AFF4: variants seen among roughly 807,000 people sequenced by gnomAD.
AFF4 encodes AF4/FMR2 family member 4.
In AFF4, 13 loss-of-function variants were observed where a neutral mutation model predicts 124.8. The ratio of observed to expected loss-of-function variants is 0.10; its 90% CI spans 0.07 to 0.17. The LOEUF (loss-of-function observed/expected upper bound fraction) is 0.17, where lower values mean the gene tolerates loss of function less well. Ranked by LOEUF, AFF4 falls within the 10% of genes least tolerant of loss-of-function variation. The probability of loss-of-function intolerance (pLI) is 1.00; values close to 1 mark genes in which losing one functional copy is unlikely to be tolerated. For synonymous variants in AFF4, 477 were observed against 496.1 expected (o/e 0.96, Z 0.51); for missense variants, 1,092 against 1,403.8 (o/e 0.78, Z 3.55).
intron 5 of AFF4, among the ~76,000 whole-genome samples, chr5:132,921,708 C>G (rs1052424445): frequency 6.6e-6 from 1 of 151,938 alleles, no homozygotes; most frequent in African/African-American, 2.4e-5. Flanking sequence ...TCAGGTGATC[C>G]ACCCACCTTG....
intron 19 of AFF4, 110 bp from the exon 20 acceptor site, chr5:132,883,670 A>C: frequency 1.1e-6 from 1 of 951,342 alleles, no homozygotes; most frequent in Non-Finnish European, 1.6e-6. Context: ...AGATTCTCTT[A>C]AACTAGATGG....
intron 1 of AFF4, among the ~76,000 whole-genome samples, chr5:132,961,532 A>G (rs970982130): frequency 2.6e-5 from 4 of 152,294 alleles, no homozygotes; most frequent in Middle Eastern, 3.4e-3. Flanking sequence ...GCTGCAGAAT[A>G]TATTGCTACA....
At chr5:132,933,828 G>A (rs1235307692) in intron 3 of AFF4, among the ~76,000 whole-genome samples, 2 of 152,082 alleles carry the variant, frequency 1.3e-5, no homozygotes, top group African/African-American at 4.8e-5. Context: ...CAACAACAAA[G>A]GTATATTGTT....
At position 132,927,163 on chromosome 5, in the gene AFF4, T is replaced by C; in HGVS notation, c.1008A>G (p.Thr336=). ...SWPPPLTAIH[T]PCKTEPSKFP... is the part of the protein sequence containing the mutation. ...ATTTGGAAGGTTCTGTTTTGCATGGTGTATGAATAGCCGTTAGAGGGGGAG... is the reference window on the plus strand; with the variant it reads ...ATTTGGAAGGTTCTGTTTTGCATGGCGTATGAATAGCCGTTAGAGGGGGAG... Residue 336 remains threonine, a synonymous_variant, in exon 5 of 21, where the codon ACA becomes ACG. Coordinates refer to ENST00000265343, the MANE Select transcript of AFF4 (RefSeq NM_014423.4). The C allele has an allele frequency of 1.2e-6, 2 of 1,612,426 alleles. No homozygotes were observed. The highest frequency in any genetic ancestry group is 2.2e-5 in the South Asian group (2 of 90,564).
intron 8 of AFF4, 52 bp downstream of exon 8, chr5:132,899,535 T>A (rs376855776): frequency 7.1e-7 from 1 of 1,416,996 alleles, no homozygotes; most frequent in African/African-American, 1.4e-5. Context: ...TTTTATAAAA[T>A]ACAATGAAAA....
intron 4 of AFF4, among the ~76,000 whole-genome samples, chr5:132,930,989 C>T (rs560686307): frequency 5.4e-4 from 81 of 150,030 alleles, no homozygotes; most frequent in African/African-American, 2.0e-3. Context: ...TGCCTATAAT[C>T]CCAGCTACTC....
chr5:132,897,012 A>T lies in AFF4; in HGVS notation c.1618T>A (p.Ser540Thr). The T allele has an allele frequency of 6.2e-7, 1 of 1,613,980 alleles. No individual in the cohort carries two copies. The highest frequency in any genetic ancestry group is 8.5e-7 in the Non-Finnish European group (1 of 1,179,996). ...TTCTGCCTCCCACGCCCACTTTCTG[A>T]TCCCTTTTGGATGGTTTTGGAGTCT... The part of the protein sequence containing the change: ...GRDSKTIQKG[S>T]ESGRGRQKSP... The change falls in exon 11 of 21, where the codon TCA (serine) becomes ACA (threonine). Residue 540 changes from serine to threonine, a missense_variant. By Grantham distance (58) the Ser-to-Thr change is moderately conservative. Around this residue, in one of 11 missense-constraint regions of AFF4, gnomAD observed 174 missense variants for 205.9 expected, o/e 0.84. Coordinates refer to ENST00000265343, the MANE Select transcript of AFF4 (RefSeq NM_014423.4).
intron 5 of AFF4, chr5:132,926,631 G>A (rs1468067130): frequency 6.7e-6 from 1 of 150,156 alleles, no homozygotes; most frequent in Non-Finnish European, 1.5e-5. Context: ...TGACCTCCCA[G>A]GCTCAAGTGA....
chr5:132,883,709 A>C (rs931550603), intron 19 of AFF4, 149 bp from the exon 20 acceptor site: 1 of 648,134 alleles, frequency 1.5e-6, no homozygotes, highest in Non-Finnish European at 2.6e-6. Flanking sequence ...TTTCTTCTAA[A>C]TAAGTACTAT....
intron 5 of AFF4, among the ~76,000 whole-genome samples, chr5:132,925,323 AAAAAT>A (rs1482893433): frequency 6.6e-6 from 1 of 152,046 alleles, no homozygotes; most frequent in Non-Finnish European, 1.5e-5. Flanking sequence ...GGTAAACATA[AAAAAT>A]AAAACTAAAA....
In AFF4 at chr5:132,887,981, G is replaced by C. The variant is rs754592359; in HGVS notation, c.2798C>G (p.Ser933Cys). Residue 933 changes from serine (S) to cysteine (C), a missense_variant and splice_region_variant, in exon 16 of 21, where the codon TCT (serine) becomes TGT (cysteine). Coordinates refer to ENST00000265343, the MANE Select transcript of AFF4 (RefSeq NM_014423.4). ...GTATACAGCTTTCTCAAACCTATCA[G>C]ACTGAAGAAAGGAGAATGCAAGTAA... is the stretch of plus-strand genomic sequence containing the variant. ...KKLKHNADAL[S>C]DRFEKAVYYL... 1 of 1,613,194 alleles carries C rather than the reference G, an allele frequency of 6.2e-7. No individual in the cohort carries two copies.
rs1760418609 is a variant in AFF4, at chr5:132,896,919, C to G, written c.1711G>C (p.Glu571Gln). Residue 571 changes from glutamate (E) to glutamine (Q), a missense_variant, in exon 11 of 21, where the codon GAG becomes CAG. By Grantham distance (29) the Glu-to-Gln change is conservative. Transcript: ENST00000265343. The part of the protein sequence containing the change: ...TVGKKQPKKA[E>Q]KAAAEEPRGG... ...CGAGGCTCTTCAGCAGCTGCCTTCTCAGCCTTTTTGGGTTGTTTTTTGCCT... is the reference window on the plus strand; with the variant it reads ...CGAGGCTCTTCAGCAGCTGCCTTCTGAGCCTTTTTGGGTTGTTTTTTGCCT... 2.5e-6 allele frequency: 4 copies of G among 1,614,156 alleles called. No individual in the cohort carries two copies. The highest frequency in any genetic ancestry group is 3.4e-6 in the Non-Finnish European group (4 of 1,180,024).
At chr5:132,911,929 G>C (rs1038882268) in intron 5 of AFF4, among the ~76,000 whole-genome samples, 3 of 151,562 alleles carry the variant, frequency 2.0e-5, no homozygotes, top group Admixed American at 6.6e-5. Context: ...CTGGCAGATA[G>C]TTGCAAGGGG....
rs193166068 is a variant in AFF4 at position 132,944,163 on chromosome 5, C to T, written c.-4-6970G>A. ...CCATCCTGGCTAACACGGTGAAACC[C>T]CATCTCTACTAAAAATACAAAAAAT... On this transcript the variant is annotated intron_variant, in intron 1 of 20. Transcript: ENST00000265343. The T allele has an allele frequency of 8.0e-3, 1,226 of 152,476 alleles. 59 individuals carry two copies. Among genetic ancestry groups the T allele is most frequent in the Admixed American group, 0.071 (1,084 of 15,256 alleles). The allele number at this position is 152,476 out of a possible 1,614,324, so 9.4% of individuals were successfully genotyped here.
chr5:132,900,812 G>T, intron 7 of AFF4: 1 of 929,800 alleles, frequency 1.1e-6, no homozygotes, highest in Non-Finnish European at 1.3e-6. Flanking sequence ...TTAATACAAA[G>T]CTTAGGGAGA....
chr5:132,953,163 TA>T (rs112131226), intron 1 of AFF4, among the ~76,000 whole-genome samples: 57,465 of 143,194 alleles, frequency 0.4, 11,381 homozygotes, highest in East Asian at 0.51. Context: ...CTGTCTCTAC[TA>T]AAAAAAAAAA....
At chr5:132,886,702 TCCAAA>T (rs1760128192) in intron 17 of AFF4, among the ~76,000 whole-genome samples, 2 of 152,282 alleles carry the variant, frequency 1.3e-5, no homozygotes, top group Admixed American at 1.3e-4. Context: ...GGGTAGAATT[TCCAAA>T]CCAAAGTGTA....
chr5:132,933,912 A>T (rs548355384), intron 3 of AFF4, among the ~76,000 whole-genome samples: 2 of 152,360 alleles, frequency 1.3e-5, no homozygotes, highest in African/African-American at 4.8e-5. Flanking sequence ...TTGTCATCTA[A>T]GTATTTGAAA....
chr5:132,912,191 A>T (rs949599625), intron 5 of AFF4, among the ~76,000 whole-genome samples: 2 of 151,350 alleles, frequency 1.3e-5, no homozygotes, highest in South Asian at 2.1e-4. Context: ...AAAAAAAAAA[A>T]ACATTTAGCA....
Sources: gnomAD v4.1 joint callset for allele counts (sites outside exome capture counted in the v4.1 genomes callset) on GRCh38, gnomAD v4.1.1 for gene constraint, gnomAD v4.1.1 regional missense constraint, MANE v1.5 for transcripts, NCBI Gene and HGNC (gene_info 2026-07-23, HGNC 2026-07-21) for gene names.